MYO3A: variants seen among roughly 807,000 people sequenced by gnomAD.
MYO3A encodes myosin-IIIa.
A neutral mutation model predicts 192.7 loss-of-function variants in MYO3A; 180 were observed. The observed-to-expected ratio is 0.93, with a 90% CI of 0.83 to 1.06. The LOEUF is 1.06. MYO3A is among the 50% of genes least tolerant of loss of function. MYO3A has a pLI of 0.00. For synonymous variants in MYO3A, 628 were observed against 645.3 expected (o/e 0.97, Z 0.41); for missense variants, 1,896 against 1,905.0 (o/e 1.00, Z 0.09).
At chr10:26,069,377 A>G (rs1227996286) in intron 12 of MYO3A, among the ~76,000 whole-genome samples, 1 of 152,104 alleles carries the variant, frequency 6.6e-6, no homozygotes. Flanking sequence ...ATATGAATAT[A>G]TAATTATCAA....
chr10:26,087,520 G>T (rs1338314616), intron 14 of MYO3A, among the ~76,000 whole-genome samples: 1 of 152,054 alleles, frequency 6.6e-6, no homozygotes, highest in Non-Finnish European at 1.5e-5. Context: ...AAACCTCTGG[G>T]GGCAGAGGTT....
chr10:25,991,267 T>C (rs185484609), intron 4 of MYO3A, among the ~76,000 whole-genome samples: 5 of 152,388 alleles, frequency 3.3e-5, no homozygotes, highest in African/African-American at 9.6e-5. Flanking sequence ...TGGCCAGTGA[T>C]GATGAGCATT....
chr10:26,143,512 T>C lies in MYO3A; in HGVS notation c.2327T>C (p.Leu776Ser). 6.2e-7 allele frequency: 1 copy of C among 1,613,780 alleles called. No homozygotes were observed. The highest frequency in any genetic ancestry group is 8.5e-7 in the Non-Finnish European group (1 of 1,179,724). ...VIEYEDNWPL[L>S]DMFLQKPMGL... Reference sequence around the variant, plus strand: ...GAATATGAGGATAACTGGCCCCTCTTAGATATGTTTCTGCAAAAGCCAATG... The same window carrying C: ...GAATATGAGGATAACTGGCCCCTCTCAGATATGTTTCTGCAAAAGCCAATG... Residue 776 changes from leucine to serine, a missense_variant, in exon 21 of 35, where the codon TTA becomes TCA. Physicochemically the swap from Leu to Ser is moderately radical, Grantham distance 145. Coordinates refer to ENST00000642920, the MANE Select transcript of MYO3A (RefSeq NM_017433.5).
intron 30 of MYO3A, among the ~76,000 whole-genome samples, chr10:26,176,293 CAA>C (rs901523063): frequency 1.5e-4 from 14 of 93,344 alleles, no homozygotes; most frequent in Non-Finnish European, 1.1e-4. Context: ...GACTCCGTCT[CAA>C]AAAAAAAAAA....
chr10:26,154,847 T>C (rs1167952211), intron 25 of MYO3A, 24 bp downstream of exon 25: 9 of 1,586,282 alleles, frequency 5.7e-6, no homozygotes, highest in Non-Finnish European at 7.8e-6. Context: ...CTATGATGTA[T>C]TGTGCTTAGG....
At chr10:26,068,667 C>T (rs904643266) in intron 11 of MYO3A, 101 bp from the exon 12 acceptor site, 5 of 747,328 alleles carry the variant, frequency 6.7e-6, no homozygotes, top group African/African-American at 3.5e-5. Flanking sequence ...TCTAATCCTT[C>T]GTCCAGATTC....
At chr10:26,057,077 T>C (rs2131318529) in intron 10 of MYO3A, among the ~76,000 whole-genome samples, 1 of 152,290 alleles carries the variant, frequency 6.6e-6, no homozygotes, top group South Asian at 2.1e-4. Flanking sequence ...GGCAGTTGAA[T>C]AGGACGATAA....
chr10:26,143,367 T>A, intron 20 of MYO3A, 81 bp from the exon 21 acceptor site: 1 of 1,391,670 alleles, frequency 7.2e-7, no homozygotes, highest in Non-Finnish European at 1.0e-6. Flanking sequence ...TTTATTTTAA[T>A]ATATGCAAAG....
intron 20 of MYO3A, among the ~76,000 whole-genome samples, chr10:26,142,729 C>G (rs1479681097): frequency 6.6e-6 from 1 of 152,122 alleles, no homozygotes; most frequent in Admixed American, 6.5e-5. Flanking sequence ...TTCTATAACT[C>G]TCTGCTGTCT....
At chr10:25,951,822 CTTATT>C (rs1837224953) in intron 2 of MYO3A, among the ~76,000 whole-genome samples, 1 of 152,076 alleles carries the variant, frequency 6.6e-6, no homozygotes, top group Admixed American at 6.6e-5. Context: ...AAATATGCCT[CTTATT>C]TTAATCTAAA....
At chr10:25,971,654 G>A (rs1838654418) in intron 4 of MYO3A, among the ~76,000 whole-genome samples, 1 of 152,138 alleles carries the variant, frequency 6.6e-6, no homozygotes, top group South Asian at 2.1e-4. Flanking sequence ...TTAGCACCTT[G>A]AATATGTCAT....
intron 10 of MYO3A, among the ~76,000 whole-genome samples, chr10:26,050,371 A>G (rs1043501137): frequency 6.6e-6 from 1 of 152,154 alleles, no homozygotes; most frequent in Non-Finnish European, 1.5e-5. Context: ...AACACCATCA[A>G]CCTTCCTAGC....
Position 26,070,357 on chromosome 10 carries a change from G to A in MYO3A, c.1315G>A (p.Glu439Lys), listed in dbSNP as rs1358066778. Residue 439 changes from glutamate to lysine, a missense_variant, in exon 14 of 35, where the codon GAA (glutamate) becomes AAA (lysine). Coordinates refer to ENST00000642920, the MANE Select transcript of MYO3A (RefSeq NM_017433.5). ...ISGESGAGKTENAHLLVQQLT... is the reference protein window; with the variant it reads ...ISGESGAGKTKNAHLLVQQLT... ...TGGAGAAAGTGGTGCTGGAAAGACT[G>A]AAAATGCTCATCTTTTAGTTCAGCA... The A allele has an allele frequency of 6.2e-7, 1 of 1,613,152 alleles. No individual in the cohort carries two copies. Among genetic ancestry groups the A allele is most frequent in the South Asian group, 1.1e-5 (1 of 91,054 alleles).
At chr10:26,182,223 A>G (rs1299635084) in intron 31 of MYO3A, among the ~76,000 whole-genome samples, 1 of 152,166 alleles carries the variant, frequency 6.6e-6, no homozygotes, top group Non-Finnish European at 1.5e-5. Context: ...TAAAATTAAG[A>G]ATCTGAATAA....
chr10:25,989,676 T>C (rs1839889534), intron 4 of MYO3A, among the ~76,000 whole-genome samples: 1 of 149,192 alleles, frequency 6.7e-6, no homozygotes, highest in Admixed American at 6.6e-5. Flanking sequence ...TTAACTATTA[T>C]TATTAATCCA....
At chr10:26,034,591 G>T (rs138567138) in intron 10 of MYO3A, among the ~76,000 whole-genome samples, 1 of 152,128 alleles carries the variant, frequency 6.6e-6, no homozygotes, top group East Asian at 1.9e-4. Flanking sequence ...CATGAATCAA[G>T]AAACTGGATA....
intron 26 of MYO3A, among the ~76,000 whole-genome samples, chr10:26,158,318 T>C (rs975604664): frequency 6.6e-6 from 1 of 151,900 alleles, no homozygotes; most frequent in Non-Finnish European, 1.5e-5. Context: ...AGTGGCGCGA[T>C]CTCAGCTCAC....
chr10:26,125,737 A>C, intron 19 of MYO3A, 129 bp downstream of exon 19: 1 of 845,770 alleles, frequency 1.2e-6, no homozygotes, highest in South Asian at 1.6e-5. Flanking sequence ...TATTAAAATG[A>C]TAATTTAGTA....
At chr10:26,123,071 G>T (rs1229350422) in intron 18 of MYO3A, among the ~76,000 whole-genome samples, 1 of 152,116 alleles carries the variant, frequency 6.6e-6, no homozygotes, top group South Asian at 2.1e-4. Flanking sequence ...CTGTATATCA[G>T]AATGAATTCC....
Sources: allele counts gnomAD v4.1 joint callset (sites outside exome capture counted in the v4.1 genomes callset), GRCh38; gene constraint gnomAD v4.1.1; transcripts MANE v1.5; gene names NCBI Gene and HGNC (gene_info 2026-07-23, HGNC 2026-07-21).